FRMD6: variants seen among roughly 807,000 people sequenced by gnomAD.
FRMD6 encodes FERM domain containing 6.
A neutral mutation model predicts 73.2 loss-of-function variants in FRMD6; 37 were observed. That is an observed-to-expected ratio of 0.51 (90% confidence interval 0.39 to 0.66). The LOEUF is 0.66. Among genes scored for constraint, FRMD6 ranks in the 30% least tolerant of loss-of-function variants. The pLI is 0.00. For synonymous variants in FRMD6, 273 were observed against 282.2 expected (o/e 0.97, Z 0.33); for missense variants, 714 against 780.5 (o/e 0.91, Z 1.02).
At chr14:51,402,073 C>T in the FRMD6 span, among the ~76,000 whole-genome samples, 1 of 152,198 alleles carries the variant, frequency 6.6e-6, no homozygotes, top group African/African-American at 2.4e-5. Context: ...TCAGTGGAGA[C>T]TAGATAACAC....
At chr14:51,402,308 T>G in the FRMD6 span, among the ~76,000 whole-genome samples, 1 of 152,190 alleles carries the variant, frequency 6.6e-6, no homozygotes, top group Non-Finnish European at 1.5e-5. Flanking sequence ...TTCACAAACC[T>G]TTATTATATG....
At chr14:51,410,292 T>C in the FRMD6 span, among the ~76,000 whole-genome samples, 1 of 152,206 alleles carries the variant, frequency 6.6e-6, no homozygotes, top group Non-Finnish European at 1.5e-5. Flanking sequence ...ATAGGTTATT[T>C]AGTCTCAAAG....
intron 1 of FRMD6, among the ~76,000 whole-genome samples, chr14:51,518,281 T>C (rs2140284499): frequency 6.6e-6 from 1 of 152,296 alleles, no homozygotes; most frequent in African/African-American, 2.4e-5. Flanking sequence ...GGAATATTAT[T>C]TAGAAATCAA....
intron 1 of FRMD6, among the ~76,000 whole-genome samples, chr14:51,541,088 A>G (rs995490826): frequency 1.3e-5 from 2 of 152,112 alleles, no homozygotes; most frequent in East Asian, 1.9e-4. Context: ...CCTATCAGTT[A>G]TGTTGATGTG....
intron 2 of FRMD6, among the ~76,000 whole-genome samples, chr14:51,624,732 AC>A (rs1471137988): frequency 1.3e-5 from 2 of 152,128 alleles, no homozygotes; most frequent in African/African-American, 4.8e-5. Context: ...TTTTTCACTT[AC>A]CCTTCTAAAC....
At chr14:51,545,666 G>A (rs1431862069) in intron 1 of FRMD6, among the ~76,000 whole-genome samples, 2 of 151,966 alleles carry the variant, frequency 1.3e-5, no homozygotes, top group Non-Finnish European at 2.9e-5. Context: ...TATGTAAAGC[G>A]CTTTTCATAG....
intron 6 of FRMD6, among the ~76,000 whole-genome samples, chr14:51,706,526 T>C (rs1014547426): frequency 6.6e-5 from 10 of 152,094 alleles, no homozygotes. Context: ...AACTTTAGGC[T>C]CTGGCAACAT....
In FRMD6 at chr14:51,539,694, C is replaced by T. The variant is rs181893019; in HGVS notation, c.-209-30654C>T. 5.3e-4 allele frequency among the ~76,000 whole-genome samples: 80 copies of T among 152,192 alleles called. 1 individual carries two copies. The highest frequency in any genetic ancestry group is 3.4e-3 in the Middle Eastern group (1 of 294). On this transcript the variant is annotated intron_variant, in intron 1 of 14. Transcript: ENST00000356218. The stretch of plus-strand genomic sequence containing the variant: ...AGTATGTAGCCAGTAACGTGGTTCC[C>T]CCAACCCCCACCTTTCTCTCTCTAC...
intron 2 of FRMD6, among the ~76,000 whole-genome samples, chr14:51,600,635 C>T (rs1224354810): frequency 6.6e-6 from 1 of 152,216 alleles, no homozygotes; most frequent in East Asian, 1.9e-4. Context: ...TTTTCTGCAA[C>T]TTAGAATTTA....
intron 1 of FRMD6, among the ~76,000 whole-genome samples, chr14:51,652,883 G>T (rs774498269): frequency 3.3e-5 from 5 of 152,218 alleles, no homozygotes; most frequent in African/African-American, 4.8e-5. Flanking sequence ...CTAATGGTGC[G>T]GGCGTTTTCT....
At chr14:51,633,774 G>A (rs1891434794) in intron 2 of FRMD6, among the ~76,000 whole-genome samples, 1 of 152,094 alleles carries the variant, frequency 6.6e-6, no homozygotes, top group Admixed American at 6.5e-5. Flanking sequence ...TCCTTAGAGT[G>A]GAACTGTTTG....
upstream of FRMD6, among the ~76,000 whole-genome samples, chr14:51,647,838 T>G (rs2357117): frequency 0.38 from 57,574 of 151,926 alleles, 11,184 homozygotes; most frequent in Middle Eastern, 0.44. Flanking sequence ...ATTAATTAAT[T>G]TATTGAGATG....
chr14:51,586,320 G>A (rs1889049054), intron 2 of FRMD6, among the ~76,000 whole-genome samples: 2 of 151,988 alleles, frequency 1.3e-5, no homozygotes, highest in Admixed American at 6.6e-5. Context: ...CAATTTGCAC[G>A]TCTCTGGTGA....
At chr14:51,432,740 G>A in the FRMD6 span, among the ~76,000 whole-genome samples, 5 of 152,118 alleles carry the variant, frequency 3.3e-5, no homozygotes, top group Non-Finnish European at 5.9e-5. Context: ...CTGAGGTCAC[G>A]GACCACCTCT....
intron 13 of FRMD6, among the ~76,000 whole-genome samples, chr14:51,726,960 A>G (rs1594793680): frequency 6.6e-6 from 1 of 152,210 alleles, no homozygotes; most frequent in South Asian, 2.1e-4. Context: ...AACCCATTGC[A>G]TATCTTCCAT....
At chr14:51,523,609 C>T (rs17124094) in intron 1 of FRMD6, among the ~76,000 whole-genome samples, 2,031 of 152,220 alleles carry the variant, frequency 0.013, 37 homozygotes, top group African/African-American at 0.046. Context: ...ATCTTACTTT[C>T]GTGGCCATCT....
the FRMD6 span, among the ~76,000 whole-genome samples, chr14:51,467,492 G>T: frequency 1.3e-5 from 2 of 152,252 alleles, no homozygotes; most frequent in Admixed American, 1.3e-4. Flanking sequence ...ACACCTCCCA[G>T]ACGGGGTAGC....
chr14:51,424,507 C>G, the FRMD6 span, among the ~76,000 whole-genome samples: 4 of 151,542 alleles, frequency 2.6e-5, no homozygotes, highest in Non-Finnish European at 4.4e-5. Context: ...AATCAGGACG[C>G]TTCCGCTGAA....
At chr14:51,591,496 A>G (rs921618877) in intron 2 of FRMD6, among the ~76,000 whole-genome samples, 1 of 152,240 alleles carries the variant, frequency 6.6e-6, no homozygotes, top group South Asian at 2.1e-4. Flanking sequence ...CAAAGAAATA[A>G]AACACTTTAA....
Sources: allele counts gnomAD v4.1 joint callset (sites outside exome capture counted in the v4.1 genomes callset), GRCh38; gene constraint gnomAD v4.1.1; transcripts MANE v1.5; gene names NCBI Gene and HGNC (gene_info 2026-07-23, HGNC 2026-07-21).